Variants in IGLON5 observed in about 807,000 individuals in gnomAD.
IGLON5 encodes the protein IgLON family member 5, also known as Ig-like domain-containing protein ENSP00000270642.
Under a neutral mutation model 38.2 loss-of-function variants are expected in IGLON5, and 16 were observed. The observed-to-expected ratio is 0.42, with a 90% CI of 0.28 to 0.64. The LOEUF (loss-of-function observed/expected upper bound fraction) is 0.64. Among genes scored for constraint, IGLON5 ranks in the 30% least tolerant of loss-of-function variants. The pLI is 0.23. For synonymous variants in IGLON5, 207 were observed against 216.4 expected (o/e 0.96, Z 0.38); for missense variants, 366 against 483.4 (o/e 0.76, Z 2.28).
At position 51,323,866 on chromosome 19, in the gene IGLON5, C is replaced by T. The variant is rs780468353; in HGVS notation, c.363C>T (p.Tyr121=). 2 of 1,612,900 alleles carry T rather than the reference C, an allele frequency of 1.2e-6. No homozygotes were observed. Among genetic ancestry groups the T allele is most frequent in the Admixed American group, 3.3e-5 (2 of 59,992 alleles). Residue 121 remains tyrosine, a synonymous_variant, in exon 3 of 8, where the codon TAC becomes TAT. Coordinates refer to ENST00000270642, the MANE Select transcript of IGLON5 (RefSeq NM_001101372.3). Reference sequence around the variant, plus strand: ...CCTTCCAGACCCGCCACCAGCCGTACACCACTCAGGTCTACCTCATTGTCC... The same window carrying T: ...CCTTCCAGACCCGCCACCAGCCGTATACCACTCAGGTCTACCTCATTGTCC... ...TCSFQTRHQP[Y]TTQVYLIVHV... is the part of the protein sequence containing the mutation.
chr19:51,324,360 T>G lies in IGLON5; in HGVS notation c.391+466T>G, dbSNP rs1025130320. ...GGGCCAGGCAAGAAGATGAGCCAAG[T>G]GTGCAAAGGGAAGTCTCATGAGGCT... On this transcript the variant is annotated intron_variant, in intron 3 of 7. Coordinates refer to ENST00000270642, the MANE Select transcript of IGLON5 (RefSeq NM_001101372.3). The surrounding 1 kb of genome is among the most constrained non-coding windows in gnomAD (Gnocchi z 4.2). Among the ~76,000 whole-genome samples the G allele has an allele frequency of 6.6e-6, 1 of 152,010 alleles. No homozygotes were observed. Among genetic ancestry groups the G allele is most frequent in the African/African-American group, 2.4e-5 (1 of 41,372 alleles).
In IGLON5 at chr19:51,325,333, CCGCTGCCCGCAGT is replaced by C; in HGVS notation, c.392-11_393del. 6.2e-7 allele frequency: 1 copy of C among 1,612,142 alleles called. No individual in the cohort carries two copies. The highest frequency in any genetic ancestry group is 1.3e-5 in the African/African-American group (1 of 74,998). On this transcript the variant is annotated splice_acceptor_variant and splice_polypyrimidine_tract_variant and coding_sequence_variant and intron_variant, in exon 4 of 8. Transcript: ENST00000270642. LOFTEE classifies it high-confidence loss of function. The surrounding 1 kb of genome is among the most constrained non-coding windows in gnomAD (Gnocchi z 5.5). ...CCTGGGCATCCATATTCAGCCTCTG[CCGCTGCCCGCAGT>C]CCCTGCCCGCATTGTGAACATCTCG... is the stretch of plus-strand genomic sequence containing the variant.
rs1259525590 is a variant in IGLON5, at chr19:51,327,626, G to T, written c.768-106G>T. 4.1e-6 allele frequency: 6 copies of T among 1,474,730 alleles called. No individual in the cohort carries two copies. Among genetic ancestry groups the T allele is most frequent in the Admixed American group, 2.1e-5 (1 of 46,892 alleles). The allele number at this position is 1,474,730 out of a possible 1,614,324, so 91.4% of individuals were successfully genotyped here. ...AGAACCCGAGGCGATGGGTCACTGGGGTAGGGGGCAGAATGCTGGGTCACC... is the reference window on the plus strand; with the variant it reads ...AGAACCCGAGGCGATGGGTCACTGGTGTAGGGGGCAGAATGCTGGGTCACC... On this transcript the variant is annotated intron_variant, in intron 6 of 7. Coordinates refer to ENST00000270642, the MANE Select transcript of IGLON5 (RefSeq NM_001101372.3). The surrounding 1 kb of genome is among the most constrained non-coding windows in gnomAD (Gnocchi z 7.1).
intron 4 of IGLON5, among the ~76,000 whole-genome samples, chr19:51,326,103 C>A (rs1357904240): frequency 2.6e-5 from 4 of 152,044 alleles, no homozygotes; most frequent in African/African-American, 9.7e-5. Context: ...GGATCTCCAC[C>A]ACCAGATCCC....
At position 51,325,761 on chromosome 19, in the gene IGLON5, C is replaced by T. The variant is rs1056824086; in HGVS notation, c.511+296C>T. On this transcript the variant is annotated intron_variant, in intron 4 of 7. Transcript: ENST00000270642. This position sits in a 1 kb window ranked among gnomAD's most constrained non-coding sequence, Gnocchi z 5.5. ...TGTCCCCGATGTCTCCCCACGCGCT[C>T]ACAGCATTCTCCTGGGCTGAGATCC... Among the ~76,000 whole-genome samples the T allele has an allele frequency of 6.6e-6, 1 of 152,124 alleles. No homozygotes were observed. The highest frequency in any genetic ancestry group is 6.5e-5 in the Admixed American group (1 of 15,276).
At chr19:51,321,332 C>A (rs1030556170) in intron 1 of IGLON5, among the ~76,000 whole-genome samples, 1 of 152,134 alleles carries the variant, frequency 6.6e-6, no homozygotes, top group African/African-American at 2.4e-5. Flanking sequence ...CGTGCTCCAC[C>A]ACACCCGGCT....
rs1985233471 is a variant in IGLON5, at chr19:51,326,997, G to C, written c.647-83G>C. ...GAGGAAGCGGGGGCGAGACTTACGG[G>C]CCTGAGGGAGGCGGGGGCTGGGGGC... On this transcript the variant is annotated intron_variant, in intron 5 of 7. Transcript: ENST00000270642. 10 of 1,588,886 alleles carry C rather than the reference G, an allele frequency of 6.3e-6. No homozygotes were observed. The Admixed American group carries it at 8.9e-5, about 14-fold the overall frequency.
In IGLON5 at chr19:51,311,860, G is replaced by C; in HGVS notation, c.13G>C (p.Ala5Pro). The C allele has an allele frequency of 7.6e-7, 1 of 1,319,784 alleles. No homozygotes were observed. The highest frequency in any genetic ancestry group is 9.7e-7 in the Non-Finnish European group (1 of 1,030,058). The allele number at this position is 1,319,784 out of a possible 1,614,324, so 81.8% of individuals were successfully genotyped here. A position where few individuals can be genotyped will look rare whatever the true frequency, so the allele number is the denominator to read the frequency against. Residue 5 changes from alanine to proline, a missense_variant, in exon 1 of 8, where the codon GCG (alanine) becomes CCG (proline). Transcript: ENST00000270642. Reference sequence around the variant, plus strand: ...CGCCTCTGCCGCGATGCCCCCCCCTGCGCCCGGGGCCCGGCTCCGGCTTCT... The same window carrying C: ...CGCCTCTGCCGCGATGCCCCCCCCTCCGCCCGGGGCCCGGCTCCGGCTTCT... MPPPAPGARLRLLAA... is the reference protein window; with the variant it reads MPPPPPGARLRLLAA...
At position 51,328,709 on chromosome 19, in the gene IGLON5, G is replaced by A. The variant is rs184327297; in HGVS notation, c.961G>A (p.Gly321Arg). The A allele has an allele frequency of 2.5e-4, 397 of 1,599,320 alleles. 2 individuals carry two copies. In the East Asian group the frequency reaches 6.7e-3, roughly 27 times the overall value. ...GGAGAACTCAGCCCCGAGGCCCCCAGGGCTCCTGGCCCTCCTCTCCGCCCT... is the reference window on the plus strand; with the variant it reads ...GGAGAACTCAGCCCCGAGGCCCCCAAGGCTCCTGGCCCTCCTCTCCGCCCT... ...SLENSAPRPP[G>R]LLALLSALGW... The change falls in exon 8 of 8, where the codon GGG (glycine) becomes AGG (arginine). Residue 321 changes from glycine (G) to arginine (R), a missense_variant. Transcript: ENST00000270642.
Position 51,328,685 on chromosome 19 carries a change from G to C in IGLON5, c.937G>C (p.Glu313Gln). Residue 313 changes from glutamate to glutamine, a missense_variant, in exon 8 of 8, where the codon GAG (glutamate) becomes CAG (glutamine). Transcript: ENST00000270642. Reference sequence around the variant, plus strand: ...TCTTCCCCCAGGCCCAGGATCCCTGGAGAACTCAGCCCCGAGGCCCCCAGG... The same window carrying C: ...TCTTCCCCCAGGCCCAGGATCCCTGCAGAACTCAGCCCCGAGGCCCCCAGG... ...SMRLLRPGSL[E>Q]NSAPRPPGLL... The C allele has an allele frequency of 1.3e-6, 2 of 1,586,466 alleles. No individual in the cohort carries two copies. The highest frequency in any genetic ancestry group is 1.7e-6 in the Non-Finnish European group (2 of 1,166,446).
chr19:51,323,767 C>A lies in IGLON5; in HGVS notation c.264C>A (p.Leu88=). 6.2e-7 allele frequency: 1 copy of A among 1,613,926 alleles called. No individual in the cohort carries two copies. The highest frequency in any genetic ancestry group is 8.5e-7 in the Non-Finnish European group (1 of 1,179,890). The change falls in exon 3 of 8, where the codon CTC becomes CTA. Residue 88 remains leucine, a synonymous_variant. Coordinates refer to ENST00000270642, the MANE Select transcript of IGLON5 (RefSeq NM_001101372.3). The part of the protein sequence containing the change: ...RWTSDPRVRL[L]INTPEEFSIL... ...CCAGCGACCCGCGGGTGCGGCTGCT[C>A]ATCAACACCCCCGAGGAGTTCTCCA...
In IGLON5 at chr19:51,325,170, G is replaced by A. The variant is rs1245958307; in HGVS notation, c.392-176G>A. On this transcript the variant is annotated intron_variant, in intron 3 of 7. Transcript: ENST00000270642. The surrounding 1 kb of genome is among the most constrained non-coding windows in gnomAD (Gnocchi z 5.5). ...GGGTACTGGACTCTTGGGTCTGAGG[G>A]AAGAGGAACTGCGGGTCTGAACTCC... 6.6e-6 allele frequency among the ~76,000 whole-genome samples: 1 copy of A among 151,560 alleles called. No homozygotes were observed. The highest frequency in any genetic ancestry group is 1.5e-5 in the Non-Finnish European group (1 of 67,890).
rs118151661 is a variant in IGLON5 at position 51,312,654 on chromosome 19, C to T, written c.79+728C>T. ...GGATTCCCAAGCTCTGATTGAATGTCTAGGTTCGTGGGGCTGGACAGTGGA... is the reference window on the plus strand; with the variant it reads ...GGATTCCCAAGCTCTGATTGAATGTTTAGGTTCGTGGGGCTGGACAGTGGA... On this transcript the variant is annotated intron_variant, in intron 1 of 7. Coordinates refer to ENST00000270642, the MANE Select transcript of IGLON5 (RefSeq NM_001101372.3). Among the ~76,000 whole-genome samples, 208 of 152,128 alleles carry T rather than the reference C, an allele frequency of 1.4e-3. 8 individuals carry two copies. The East Asian group carries it at 0.037, about 27-fold the overall frequency.
At chr19:51,328,339 CAAAA>C (rs767807401) in intron 7 of IGLON5, among the ~76,000 whole-genome samples, 1 of 124,164 alleles carries the variant, frequency 8.1e-6, no homozygotes. Context: ...ATGTCTCTAC[CAAAA>C]AAAAAAAAAA....
At chr19:51,323,438 C>G (rs552239238) in intron 2 of IGLON5, among the ~76,000 whole-genome samples, 2 of 152,314 alleles carry the variant, frequency 1.3e-5, no homozygotes, top group Admixed American at 1.3e-4. Flanking sequence ...CACGATCACT[C>G]AATAACCACG....
At chr19:51,326,144 T>A (rs1985211380) in intron 4 of IGLON5, among the ~76,000 whole-genome samples, 1 of 150,736 alleles carries the variant, frequency 6.6e-6, no homozygotes, top group South Asian at 2.1e-4. Flanking sequence ...TCAGGGTCTT[T>A]GAAGACCCAT....
Position 51,325,507 on chromosome 19 carries a change from C to T in IGLON5, c.511+42C>T, listed in dbSNP as rs746770519. On this transcript the variant is annotated intron_variant, in intron 4 of 7. Transcript: ENST00000270642. This position sits in a 1 kb window ranked among gnomAD's most constrained non-coding sequence, Gnocchi z 5.5. ...AGGTCAAAAGCCCCGTCCCCCACTG[C>T]GCAGTCTGGGCCCCTCCATTCCCCA... The T allele has an allele frequency of 1.9e-5, 30 of 1,565,942 alleles. No homozygotes were observed. The highest frequency in any genetic ancestry group is 5.9e-5 in the South Asian group (5 of 84,350).
intron 4 of IGLON5, 104 bp from the exon 5 acceptor site, chr19:51,326,660 C>T (rs960661510): frequency 1.3e-6 from 1 of 750,222 alleles, no homozygotes; most frequent in Non-Finnish European, 2.1e-6. Context: ...CACTCCAGGC[C>T]TTGCCGTGCC....
At position 51,324,367 on chromosome 19, in the gene IGLON5, AG is replaced by A. The variant is rs1985161386; in HGVS notation, c.391+476del. Among the ~76,000 whole-genome samples the A allele has an allele frequency of 6.6e-6, 1 of 152,170 alleles. No individual in the cohort carries two copies. Among genetic ancestry groups the A allele is most frequent in the South Asian group, 2.1e-4 (1 of 4,828 alleles). On this transcript the variant is annotated intron_variant, in intron 3 of 7. Coordinates refer to ENST00000270642, the MANE Select transcript of IGLON5 (RefSeq NM_001101372.3). This position sits in a 1 kb window ranked among gnomAD's most constrained non-coding sequence, Gnocchi z 4.2. ...GCAAGAAGATGAGCCAAGTGTGCAA[AG>A]GGAAGTCTCATGAGGCTGGAAGCGC... is the stretch of plus-strand genomic sequence containing the variant.
Sources: allele counts gnomAD v4.1 joint callset (sites outside exome capture counted in the v4.1 genomes callset), GRCh38; gene constraint gnomAD v4.1.1; non-coding constraint Gnocchi (gnomAD v3.1); transcripts MANE v1.5; gene names NCBI Gene and HGNC (gene_info 2026-07-23, HGNC 2026-07-21).